SF3B3: variants seen among roughly 807,000 people sequenced by gnomAD.
SF3B3 encodes SAP 130.
A neutral mutation model predicts 139.2 loss-of-function variants in SF3B3; 33 were observed. The observed-to-expected ratio is 0.24, with a 90% CI of 0.18 to 0.32. The LOEUF (loss-of-function observed/expected upper bound fraction) is 0.32, where lower values mean the gene tolerates loss of function less well. Ranked by LOEUF, SF3B3 falls within the 10% of genes least tolerant of loss-of-function variation. The pLI, the probability that SF3B3 is intolerant of heterozygous loss-of-function variation, is 1.00. For missense variants in SF3B3, 818 were observed against 1,509.4 expected (o/e 0.54, Z 7.59); for synonymous variants, 596 against 563.6 (o/e 1.06, Z -0.81).
intron 5 of SF3B3, among the ~76,000 whole-genome samples, chr16:70,534,252 C>T (rs1359555158): frequency 6.6e-6 from 1 of 152,002 alleles, no homozygotes; most frequent in African/African-American, 2.4e-5. Context: ...AGCCTAAATA[C>T]AAGAAATAAC....
At chr16:70,526,905 G>A in intron 2 of SF3B3, 179 bp downstream of exon 2, 2 of 597,366 alleles carry the variant, frequency 3.3e-6, no homozygotes, top group South Asian at 2.1e-5. Flanking sequence ...TATTTCAGAT[G>A]CATTTCCTAG....
At chr16:70,567,814 T>C (rs139374643) in intron 21 of SF3B3, among the ~76,000 whole-genome samples, 1,782 of 152,280 alleles carry the variant, frequency 0.012, 41 homozygotes, top group African/African-American at 0.04. Flanking sequence ...GCCTCCCAAG[T>C]AGCTGGGATT....
intron 16 of SF3B3, 117 bp from the exon 17 acceptor site, chr16:70,561,513 G>C: frequency 1.2e-6 from 1 of 830,420 alleles, no homozygotes; most frequent in Non-Finnish European, 1.9e-6. Flanking sequence ...TATATTTCTA[G>C]AATATCTTAG....
Position 70,555,045 on chromosome 16 carries a change from C to T in SF3B3, c.1555-6C>T. 1 of 1,613,612 alleles carries T rather than the reference C, an allele frequency of 6.2e-7. No homozygotes were observed. The highest frequency in any genetic ancestry group is 8.5e-7 in the Non-Finnish European group (1 of 1,179,710). On this transcript the variant is annotated splice_polypyrimidine_tract_variant and splice_region_variant and intron_variant, in intron 12 of 25. Transcript: ENST00000302516. ...AAGTCAGGTTTCTTTCTGTTACTGA[C>T]TCTAGGTCTATCCAGATGGCATTCG...
At chr16:70,553,112 G>A (rs1242776926) in intron 11 of SF3B3, among the ~76,000 whole-genome samples, 1 of 152,106 alleles carries the variant, frequency 6.6e-6, no homozygotes, top group African/African-American at 2.4e-5. Flanking sequence ...AGTAGAGATG[G>A]GGTTTCACCC....
chr16:70,555,419 C>T (rs1164052649), intron 13 of SF3B3, among the ~76,000 whole-genome samples: 1 of 134,206 alleles, frequency 7.5e-6, no homozygotes, highest in African/African-American at 2.8e-5. Flanking sequence ...GCAGAGGTTG[C>T]GGTGAGCTGA....
chr16:70,552,901 T>C (rs561402607), intron 11 of SF3B3, among the ~76,000 whole-genome samples: 18 of 152,318 alleles, frequency 1.2e-4, no homozygotes, highest in African/African-American at 4.1e-4. Flanking sequence ...CTGTAGGCCA[T>C]GCCAATGATA....
At chr16:70,559,672 G>A (rs1597720801) in intron 15 of SF3B3, among the ~76,000 whole-genome samples, 2 of 152,164 alleles carry the variant, frequency 1.3e-5, no homozygotes, top group South Asian at 4.2e-4. Context: ...GGGTGACAGA[G>A]TGAGAACCTG....
chr16:70,531,094 A>G (rs1395075518), intron 4 of SF3B3, among the ~76,000 whole-genome samples, 177 bp downstream of exon 4: 4 of 151,844 alleles, frequency 2.6e-5, no homozygotes, highest in Non-Finnish European at 4.4e-5. Context: ...GTGAAACCCC[A>G]TCTCTACTAA....
At position 70,565,519 on chromosome 16, in the gene SF3B3, C is replaced by T. The variant is rs1175248880; in HGVS notation, c.2821C>T (p.His941Tyr). The T allele has an allele frequency of 6.2e-7, 1 of 1,613,252 alleles. No homozygotes were observed. The highest frequency in any genetic ancestry group is 2.2e-5 in the East Asian group (1 of 44,874). ...CAATGGGGAAAAACTGGAGTTTTTG[C>T]ACAAGGTAGGAATCTGCCAGTGGTT... Reference protein sequence around the residue: ...VNNGEKLEFLHKTPVEEVPAA... With the variant: ...VNNGEKLEFLYKTPVEEVPAA... The change falls in exon 20 of 26, where the codon CAC (histidine) becomes TAC (tyrosine). Residue 941 changes from histidine (H) to tyrosine (Y), a missense_variant. This residue lies in a region of SF3B3 where 145 missense variants were observed against 153.6 expected (regional missense o/e 0.94). Coordinates refer to ENST00000302516, the MANE Select transcript of SF3B3 (RefSeq NM_012426.5).
intron 6 of SF3B3, among the ~76,000 whole-genome samples, chr16:70,536,691 C>T (rs1040781724): frequency 3.3e-5 from 5 of 151,758 alleles, no homozygotes; most frequent in South Asian, 2.1e-4. Flanking sequence ...CGGGGTTTGC[C>T]ATGTTGGCCA....
rs777108055 is a variant in SF3B3 at position 70,554,459 on chromosome 16, C to T, written c.1416C>T (p.Ala472=). Residue 472 remains alanine (A), a synonymous_variant, in exon 12 of 26, where the codon GCC becomes GCT. Transcript: ENST00000302516. ...VRRHIEDEFD[A]YIIVSFVNAT... is the part of the protein sequence containing the mutation. ...TTTCTTTTTCAGATGAGTTTGATGC[C>T]TACATCATTGTGTCTTTCGTGAATG... The T allele has an allele frequency of 1.2e-6, 2 of 1,614,114 alleles. No individual in the cohort carries two copies. Among genetic ancestry groups the T allele is most frequent in the African/African-American group, 1.3e-5 (1 of 75,046 alleles).
At chr16:70,531,412 G>A (rs2050120406) in intron 4 of SF3B3, among the ~76,000 whole-genome samples, 1 of 152,056 alleles carries the variant, frequency 6.6e-6, no homozygotes, top group Admixed American at 6.5e-5. Context: ...TGAGTAGCTG[G>A]GACTACAGGT....
At chr16:70,548,195 C>T (rs372235207) in intron 10 of SF3B3, among the ~76,000 whole-genome samples, 175 bp from the exon 11 acceptor site, 140 of 152,316 alleles carry the variant, frequency 9.2e-4, no homozygotes, top group African/African-American at 2.5e-3. Context: ...TGGGGATTGC[C>T]ACTAAGAACC....
chr16:70,538,026 T>G, intron 6 of SF3B3: 1 of 584,106 alleles, frequency 1.7e-6, no homozygotes, highest in Non-Finnish European at 3.3e-6. Context: ...GATGACTCTT[T>G]AAAAAATTTC....
At position 70,528,874 on chromosome 16, in the gene SF3B3, A is replaced by T; in HGVS notation, c.72A>T (p.Gly24=). Residue 24 remains glycine (G), a splice_region_variant and synonymous_variant, in exon 3 of 26, where the codon GGA becomes GGT. Coordinates refer to ENST00000302516, the MANE Select transcript of SF3B3 (RefSeq NM_012426.5). ...GATCTTTATTTTTTGGTGATCTAGG[A>T]ACCAAACAACAAGAAATTGTTGTTT... ...ISFAIHGNFS[G]TKQQEIVVSR... 1 of 1,605,114 alleles carries T rather than the reference A, an allele frequency of 6.2e-7. No homozygotes were observed. Among genetic ancestry groups the T allele is most frequent in the African/African-American group, 1.3e-5 (1 of 74,842 alleles).
At chr16:70,558,758 G>A (rs1385887259) in intron 15 of SF3B3, among the ~76,000 whole-genome samples, 3 of 152,026 alleles carry the variant, frequency 2.0e-5, no homozygotes, top group African/African-American at 7.2e-5. Flanking sequence ...ACTACGCCCG[G>A]CTAATTTTTC....
In SF3B3 at chr16:70,573,849, G is replaced by C. The variant is rs952791426; in HGVS notation, c.*2036G>C. ...GTGACTTGGATCCTAGGACTGAAAA[G>C]TTTTTAGCTGCCTCAGCTTTCCCCT... On this transcript the variant is annotated 3_prime_UTR_variant, in exon 26 of 26. Transcript: ENST00000302516. 2.0e-5 allele frequency: 3 copies of C among 152,354 alleles called. No individual in the cohort carries two copies. The highest frequency in any genetic ancestry group is 2.0e-4 in the Admixed American group (3 of 15,306). The allele number at this position is 152,354 out of a possible 1,614,324, so 9.4% of individuals were successfully genotyped here. A position where few individuals can be genotyped will look rare whatever the true frequency, so the allele number is the denominator to read the frequency against.
At chr16:70,527,639 G>A (rs919492548) in intron 2 of SF3B3, among the ~76,000 whole-genome samples, 13 of 152,318 alleles carry the variant, frequency 8.5e-5, no homozygotes, top group East Asian at 1.9e-4. Flanking sequence ...AAGGAAATAC[G>A]TATATGGGAA....
Sources: gnomAD v4.1 joint callset for allele counts (sites outside exome capture counted in the v4.1 genomes callset) on GRCh38, gnomAD v4.1.1 for gene constraint, gnomAD v4.1.1 regional missense constraint, MANE v1.5 for transcripts, NCBI Gene and HGNC (gene_info 2026-07-23, HGNC 2026-07-21) for gene names.